Variants in HDAC9 observed in about 807,000 individuals in gnomAD.
The protein encoded by HDAC9 is MEF-2 interacting transcription repressor (MITR) protein.
HDAC9 carries 41 observed loss-of-function variants against 139.4 expected under a neutral mutation model. That is an observed-to-expected ratio of 0.29 (90% CI 0.23 to 0.38). The LOEUF is 0.38. Among genes scored for constraint, HDAC9 ranks in the 10% least tolerant of loss-of-function variants. The probability of loss-of-function intolerance (pLI) is 1.00; values close to 1 mark genes in which losing one functional copy is unlikely to be tolerated. For synonymous variants in HDAC9, 517 were observed against 476.2 expected (o/e 1.09, Z -1.12); for missense variants, 1,147 against 1,297.0 (o/e 0.88, Z 1.78).
intron 6 of HDAC9, among the ~76,000 whole-genome samples, chr7:18,622,487 T>C (rs911563907): frequency 6.6e-6 from 1 of 151,944 alleles, no homozygotes; most frequent in South Asian, 2.1e-4. Flanking sequence ...CACACCCGGC[T>C]AATTTTTTGT....
intron 2 of HDAC9, among the ~76,000 whole-genome samples, chr7:18,535,971 C>G (rs1179796451): frequency 6.6e-6 from 1 of 152,156 alleles, no homozygotes; most frequent in Non-Finnish European, 1.5e-5. Flanking sequence ...GTAGATGCCC[C>G]ACTCAAACCT....
At chr7:18,628,731 A>G (rs1249409747) in intron 6 of HDAC9, among the ~76,000 whole-genome samples, 1 of 152,130 alleles carries the variant, frequency 6.6e-6, no homozygotes, top group Non-Finnish European at 1.5e-5. Context: ...TTTTCTTTCC[A>G]GCTGATAGTA....
chr7:18,634,041 A>G (rs768019556), intron 7 of HDAC9, among the ~76,000 whole-genome samples: 92 of 152,128 alleles, frequency 6.0e-4, no homozygotes, highest in Non-Finnish European at 6.9e-4. Context: ...AGTAGAGTTA[A>G]AGTCAGATGG....
At chr7:18,312,616 C>A (rs1799391471) in intron 1 of HDAC9, among the ~76,000 whole-genome samples, 1 of 151,952 alleles carries the variant, frequency 6.6e-6, no homozygotes, top group Non-Finnish European at 1.5e-5. Context: ...GGTTCTGAGT[C>A]CTCTATATGG....
intron 22 of HDAC9, among the ~76,000 whole-genome samples, chr7:18,895,195 C>T (rs958784291): frequency 5.9e-5 from 9 of 152,172 alleles, no homozygotes; most frequent in African/African-American, 1.7e-4. Flanking sequence ...AATAACAATA[C>T]CATTTCACCA....
intron 1 of HDAC9, among the ~76,000 whole-genome samples, chr7:18,386,062 G>A (rs577758493): frequency 6.6e-6 from 1 of 152,238 alleles, no homozygotes; most frequent in South Asian, 2.1e-4. Context: ...TGATCATTGT[G>A]CTTTTGATTT....
chr7:18,439,893 A>C (rs1791587566), intron 1 of HDAC9, among the ~76,000 whole-genome samples: 1 of 152,188 alleles, frequency 6.6e-6, no homozygotes, highest in African/African-American at 2.4e-5. Flanking sequence ...GTGGTAAAAA[A>C]ATTCAAATCT....
At chr7:18,290,273 T>G (rs1797721753), upstream of HDAC9, 3 of 336,682 alleles carry the variant, frequency 8.9e-6, no homozygotes, top group Non-Finnish European at 1.8e-5. Flanking sequence ...TGCCCCCAAG[T>G]TATGCAGTCT....
chr7:18,827,439 G>A lies in HDAC9; in HGVS notation c.2323-1722G>A, dbSNP rs116046237. The stretch of plus-strand genomic sequence containing the variant: ...ATAGAGATGAATTATTTTCTAGAAA[G>A]TATCTAATGAATTATCCTTCTACAA... On this transcript the variant is annotated intron_variant, in intron 17 of 25. Transcript: ENST00000686413. Among the ~76,000 whole-genome samples, 1,099 of 152,130 alleles carry A rather than the reference G, an allele frequency of 7.2e-3. 18 individuals carry two copies. Among genetic ancestry groups the A allele is most frequent in the African/African-American group, 0.025 (1,034 of 41,512 alleles).
chr7:18,534,447 T>C (rs1300444439), intron 2 of HDAC9, among the ~76,000 whole-genome samples: 1 of 152,202 alleles, frequency 6.6e-6, no homozygotes, highest in Non-Finnish European at 1.5e-5. Flanking sequence ...CTTTGGAGGC[T>C]GAGGCAGGAG....
chr7:18,302,123 A>C (rs559155796), intron 1 of HDAC9, among the ~76,000 whole-genome samples: 1 of 152,306 alleles, frequency 6.6e-6, no homozygotes, highest in South Asian at 2.1e-4. Context: ...TAAGGGTGCA[A>C]GTCATACAGC....
intron 1 of HDAC9, among the ~76,000 whole-genome samples, chr7:18,366,206 C>A (rs1305140111): frequency 6.6e-6 from 1 of 152,024 alleles, no homozygotes; most frequent in Non-Finnish European, 1.5e-5. Context: ...ATGATAACTG[C>A]AGAACTGCTG....
chr7:18,754,480 CT>C (rs1435108917), intron 14 of HDAC9, among the ~76,000 whole-genome samples: 2 of 152,078 alleles, frequency 1.3e-5, no homozygotes, highest in African/African-American at 2.4e-5. Context: ...CATTTGCTTG[CT>C]CTCACATTTG....
chr7:18,968,234 C>T (rs1384895891), intron 24 of HDAC9, among the ~76,000 whole-genome samples: 1 of 152,200 alleles, frequency 6.6e-6, no homozygotes, highest in Non-Finnish European at 1.5e-5. Flanking sequence ...CCCTTATCAA[C>T]CATACTTTAG....
At chr7:18,991,684 C>T (rs748550166) in intron 25 of HDAC9, among the ~76,000 whole-genome samples, 7 of 151,762 alleles carry the variant, frequency 4.6e-5, no homozygotes, top group Non-Finnish European at 8.8e-5. Flanking sequence ...AACAGACTTA[C>T]TTATGACACA....
At chr7:18,110,977 C>T (rs760310144) in intron 1 of HDAC9, among the ~76,000 whole-genome samples, 8 of 152,120 alleles carry the variant, frequency 5.3e-5, no homozygotes, top group Non-Finnish European at 7.3e-5. Context: ...TTTTAAGGGA[C>T]ATTTGCTGAG....
intron 1 of HDAC9, among the ~76,000 whole-genome samples, chr7:18,462,481 T>C (rs1793932977): frequency 1.3e-5 from 2 of 152,006 alleles, no homozygotes; most frequent in Admixed American, 1.3e-4. Context: ...AGAAATAAAA[T>C]AATGCCAGTG....
At chr7:18,365,184 C>T (rs564705404) in intron 1 of HDAC9, among the ~76,000 whole-genome samples, 106 of 151,940 alleles carry the variant, frequency 7.0e-4, no homozygotes, top group African/African-American at 2.5e-3. Context: ...GTAAGTAGGG[C>T]AGGAATGTTA....
intron 2 of HDAC9, among the ~76,000 whole-genome samples, chr7:18,190,424 C>T (rs889020364): frequency 3.9e-5 from 6 of 152,172 alleles, no homozygotes; most frequent in Non-Finnish European, 8.8e-5. Context: ...CATGTACATG[C>T]ATAGATGACT....
Sources: allele counts gnomAD v4.1 joint callset (sites outside exome capture counted in the v4.1 genomes callset), GRCh38; gene constraint gnomAD v4.1.1; transcripts MANE v1.5; gene names NCBI Gene and HGNC (gene_info 2026-07-23, HGNC 2026-07-21).